SGCZ: variants seen among roughly 807,000 people sequenced by gnomAD.
SGCZ encodes the protein sarcoglycan zeta.
In SGCZ, 40 loss-of-function variants were observed where a neutral mutation model predicts 41.3. The ratio of observed to expected loss-of-function variants is 0.97; its 90% CI spans 0.75 to 1.26. The LOEUF is 1.26. SGCZ is among the 50% of genes most tolerant of loss of function. SGCZ has a pLI of 0.00. For synonymous variants in SGCZ, 206 were observed against 137.5 expected (o/e 1.50, Z -3.49); for missense variants, 552 against 369.8 (o/e 1.49, Z -4.04).
intron 5 of SGCZ, among the ~76,000 whole-genome samples, chr8:14,140,245 C>A (rs1377288492): frequency 6.6e-6 from 1 of 152,224 alleles, no homozygotes; most frequent in Non-Finnish European, 1.5e-5. Flanking sequence ...GGAAGCATTC[C>A]CTTTGAAAAC....
chr8:15,018,200 A>C (rs1173811856), intron 1 of SGCZ, among the ~76,000 whole-genome samples: 1 of 152,196 alleles, frequency 6.6e-6, no homozygotes, highest in Non-Finnish European at 1.5e-5. Flanking sequence ...GTGCATACAC[A>C]AATTTACTCA....
intron 2 of SGCZ, among the ~76,000 whole-genome samples, chr8:14,324,885 G>A (rs145502768): frequency 1.3e-5 from 2 of 152,144 alleles, no homozygotes; most frequent in African/African-American, 4.8e-5. Flanking sequence ...CTACGATAAA[G>A]TTGTTAAGAA....
intron 1 of SGCZ, among the ~76,000 whole-genome samples, chr8:15,090,401 T>A (rs890375094): frequency 2.6e-5 from 4 of 152,222 alleles, no homozygotes; most frequent in Non-Finnish European, 5.9e-5. Flanking sequence ...AGCTTCATGC[T>A]GATATCTGGC....
intron 3 of SGCZ, among the ~76,000 whole-genome samples, chr8:14,246,116 G>C (rs949884690): frequency 6.6e-6 from 1 of 152,162 alleles, no homozygotes; most frequent in Non-Finnish European, 1.5e-5. Context: ...CAAAGGATTA[G>C]AAATCATGCT....
At chr8:14,540,226 T>C (rs1436892689) in intron 2 of SGCZ, among the ~76,000 whole-genome samples, 11 of 79,242 alleles carry the variant, frequency 1.4e-4, no homozygotes, top group Non-Finnish European at 2.8e-4. Context: ...CTTAATTTTT[T>C]TTTTTTTTTT....
chr8:14,215,921 C>G (rs1340397980), intron 4 of SGCZ, among the ~76,000 whole-genome samples: 1 of 152,218 alleles, frequency 6.6e-6, no homozygotes, highest in Non-Finnish European at 1.5e-5. Flanking sequence ...GGAATGCACT[C>G]AGACACAGGT....
intron 3 of SGCZ, among the ~76,000 whole-genome samples, chr8:14,291,235 C>T (rs1021750611): frequency 6.6e-6 from 1 of 151,892 alleles, no homozygotes; most frequent in Non-Finnish European, 1.5e-5. Context: ...TATCTATTGC[C>T]TAGTAGGTTA....
At chr8:15,003,163 A>G (rs1048856817) in intron 1 of SGCZ, among the ~76,000 whole-genome samples, 5 of 152,162 alleles carry the variant, frequency 3.3e-5, no homozygotes, top group Non-Finnish European at 7.4e-5. Context: ...TGGGAGAAAG[A>G]TTTCTGCCAA....
chr8:14,096,988 C>G (rs527895054), intron 7 of SGCZ, among the ~76,000 whole-genome samples: 2 of 151,854 alleles, frequency 1.3e-5, no homozygotes, highest in Non-Finnish European at 2.9e-5. Context: ...TGATTCTTCT[C>G]TCTTTCCTTC....
intron 1 of SGCZ, among the ~76,000 whole-genome samples, chr8:15,061,821 A>G (rs1024365250): frequency 3.3e-5 from 5 of 152,202 alleles, no homozygotes; most frequent in South Asian, 2.1e-4. Context: ...CTATTTTGGT[A>G]TAACAGCACA....
chr8:14,113,342 T>C (rs1802429671), intron 5 of SGCZ, among the ~76,000 whole-genome samples: 1 of 152,158 alleles, frequency 6.6e-6, no homozygotes, highest in Non-Finnish European at 1.5e-5. Context: ...TAGGGTTTAC[T>C]GCCTGTAGTA....
intron 1 of SGCZ, among the ~76,000 whole-genome samples, chr8:14,693,984 T>G (rs1170064901): frequency 6.6e-6 from 1 of 152,278 alleles, no homozygotes; most frequent in East Asian, 1.9e-4. Flanking sequence ...GTTTCCACAT[T>G]TGGAGGTAAT....
At chr8:14,756,476 C>T (rs975884979) in intron 1 of SGCZ, among the ~76,000 whole-genome samples, 9 of 152,136 alleles carry the variant, frequency 5.9e-5, no homozygotes, top group East Asian at 1.9e-4. Flanking sequence ...TGAGCCACCA[C>T]GCCCAGCGGG....
chr8:14,177,967 T>TTTTTC (rs1359373473), intron 4 of SGCZ, among the ~76,000 whole-genome samples: 35 of 138,010 alleles, frequency 2.5e-4, no homozygotes, highest in Non-Finnish European at 4.5e-4. Flanking sequence ...TCTTTTTTTT[T>TTTTTC]TTTTTTTTGA....
intron 1 of SGCZ, among the ~76,000 whole-genome samples, chr8:14,562,589 C>G (rs1429255935): frequency 6.6e-6 from 1 of 151,874 alleles, no homozygotes. Context: ...TGAGATGAGA[C>G]TAAAATGAAG....
chr8:15,196,502 A>C (rs1800735733), intron 1 of SGCZ, among the ~76,000 whole-genome samples: 1 of 152,112 alleles, frequency 6.6e-6, no homozygotes. Context: ...CATTTATTAT[A>C]CTCCATTAGG....
intron 5 of SGCZ, among the ~76,000 whole-genome samples, chr8:14,128,482 A>G (rs1258587177): frequency 6.6e-6 from 1 of 152,198 alleles, no homozygotes; most frequent in Admixed American, 6.5e-5. Context: ...CTCTATGGAA[A>G]ACAGTATGCA....
intron 1 of SGCZ, among the ~76,000 whole-genome samples, chr8:15,053,321 A>G (rs1226392440): frequency 2.0e-5 from 3 of 151,222 alleles, no homozygotes; most frequent in Non-Finnish European, 1.5e-5. Context: ...AGTCGTCACT[A>G]TATCTTACTA....
intron 4 of SGCZ, among the ~76,000 whole-genome samples, chr8:14,195,539 C>G (rs1022538565): frequency 6.6e-6 from 1 of 152,046 alleles, no homozygotes; most frequent in African/African-American, 2.4e-5. Flanking sequence ...ATGAAAATCA[C>G]AAAACCACAT....
Sources: gnomAD v4.1 joint callset for allele counts (sites outside exome capture counted in the v4.1 genomes callset) on GRCh38, gnomAD v4.1.1 for gene constraint, MANE v1.5 for transcripts, NCBI Gene and HGNC (gene_info 2026-07-23, HGNC 2026-07-21) for gene names.